GAB3: variants seen among roughly 807,000 people sequenced by gnomAD.
The protein encoded by GAB3 is GRB2 associated binding protein 3, also known as GRB2-associated-binding protein 3.
GAB3 carries 12 observed loss-of-function variants against 40.4 expected under a neutral mutation model. The ratio of observed to expected loss-of-function variants is 0.30; its 90% confidence interval spans 0.19 to 0.48. The LOEUF is 0.48. Ranked by LOEUF, GAB3 falls within the 20% of genes least tolerant of loss-of-function variation. The probability of loss-of-function intolerance (pLI) is 0.99; values close to 1 mark genes in which losing one functional copy is unlikely to be tolerated. For missense variants in GAB3, 381 were observed against 461.9 expected (o/e 0.82, Z 1.61); for synonymous variants, 154 against 176.7 (o/e 0.87, Z 1.02).
rs7066018 is a variant in GAB3 at position 154,712,659 on chromosome X, T to C, written c.639A>G (p.Ser213=). 8.8e-3 allele frequency: 9,932 copies of C among 1,132,209 alleles called. 572 individuals are homozygous for C. The African/African-American group carries it at 0.16, about 19-fold the overall frequency. The allele number at this position is 1,132,209 out of a possible 1,213,427, so 93.3% of individuals were successfully genotyped here. A position where few individuals can be genotyped will look rare whatever the true frequency, so the allele number is the denominator to read the frequency against. The change falls in exon 4 of 10, where the codon TCA becomes TCG. Residue 213 remains serine (S), a synonymous_variant. Coordinates refer to ENST00000424127, the MANE Select transcript of GAB3 (RefSeq NM_001081573.3). Reference sequence around the variant, plus strand: ...CATCATCAAATGAAGCCTGTTCCAATGAACGGTCTGAGTTTGACCAGCTAT... The same window carrying C: ...CATCATCAAATGAAGCCTGTTCCAACGAACGGTCTGAGTTTGACCAGCTAT... ...RCDSWSNSDR[S]LEQASFDDVF... is the part of the protein sequence containing the mutation.
At chrX:154,726,375 G>A (rs1029089508) in intron 1 of GAB3, among the ~76,000 whole-genome samples, 2 of 111,800 alleles carry the variant, frequency 1.8e-5, no homozygotes, top group Non-Finnish European at 3.8e-5. Flanking sequence ...CCTGGGAAGA[G>A]AGGAATAACC....
chrX:154,679,573 T>C (rs2070346214), intron 9 of GAB3, among the ~76,000 whole-genome samples: 1 of 112,065 alleles, frequency 8.9e-6, no homozygotes, highest in Admixed American at 9.4e-5. Context: ...CCTTACGCTG[T>C]ACAGTGGGTG....
intron 1 of GAB3, among the ~76,000 whole-genome samples, chrX:154,731,361 G>T (rs984503216): frequency 8.9e-6 from 1 of 111,911 alleles, no homozygotes; most frequent in African/African-American, 3.3e-5. Context: ...ATCAAGGAAG[G>T]TGCAATATAG....
At chrX:154,698,454 G>C (rs1569557370) in intron 6 of GAB3, among the ~76,000 whole-genome samples, 1 of 112,043 alleles carries the variant, frequency 8.9e-6, no homozygotes, top group East Asian at 2.8e-4. Context: ...GCCTGGAGTA[G>C]ACCAGGCATG....
chrX:154,718,304 G>A, intron 1 of GAB3, among the ~76,000 whole-genome samples: 1 of 108,429 alleles, frequency 9.2e-6, no homozygotes, highest in South Asian at 4.1e-4. Context: ...GCAGCAAGCA[G>A]AAGGAAGGCA....
intron 1 of GAB3, among the ~76,000 whole-genome samples, chrX:154,732,167 C>A (rs1224208859): frequency 2.7e-5 from 3 of 111,801 alleles, no homozygotes; most frequent in Non-Finnish European, 5.6e-5. Context: ...AAAGCATGAG[C>A]TGAATGACTG....
At chrX:154,694,723 C>T (rs1407487993) in intron 8 of GAB3, among the ~76,000 whole-genome samples, 1 of 112,132 alleles carries the variant, frequency 8.9e-6, no homozygotes, top group African/African-American at 3.2e-5. Context: ...CATCAAAGAT[C>T]AGAAATGAAC....
At chrX:154,750,861 G>A in intron 1 of GAB3, 93 bp downstream of exon 1, 1 of 557,083 alleles carries the variant, frequency 1.8e-6, no homozygotes, top group African/African-American at 2.5e-5. Context: ...GGCTGCGCCT[G>A]GCGCGCCCGG....
intron 1 of GAB3, among the ~76,000 whole-genome samples, chrX:154,727,443 C>T: frequency 8.9e-6 from 1 of 112,930 alleles, no homozygotes; most frequent in East Asian, 2.8e-4. Context: ...AGAATGTGAG[C>T]TCCCGGACAG....
intron 8 of GAB3, among the ~76,000 whole-genome samples, chrX:154,689,503 A>T (rs1182048323): frequency 7.3e-5 from 8 of 110,024 alleles, no homozygotes; most frequent in Non-Finnish European, 1.1e-4. Flanking sequence ...ACATGATTGT[A>T]TATCTAGAAA....
intron 8 of GAB3, among the ~76,000 whole-genome samples, chrX:154,691,515 G>A (rs1384091543): frequency 8.9e-6 from 1 of 111,864 alleles, no homozygotes; most frequent in Non-Finnish European, 1.9e-5. Context: ...CTGTAAGAAA[G>A]AAAGTAAAGG....
In GAB3 at chrX:154,677,393, C is replaced by T. The variant is rs2070310918; in HGVS notation, c.*785G>A. On this transcript the variant is annotated 3_prime_UTR_variant, in exon 10 of 10. Coordinates refer to ENST00000424127, the MANE Select transcript of GAB3 (RefSeq NM_001081573.3). ...CTTGCAATTGGCAGCCTGAACAACT[C>T]TATTCTCTAAGCTGGACTCTGGGTC... 8.9e-6 allele frequency: 1 copy of T among 111,852 alleles called. No homozygotes were observed. 9.2% of individuals were successfully genotyped at this position (111,852 alleles called of 1,213,427 possible). A position where few individuals can be genotyped will look rare whatever the true frequency, so the allele number is the denominator to read the frequency against.
intron 7 of GAB3, among the ~76,000 whole-genome samples, chrX:154,696,607 T>C (rs2070662611): frequency 8.9e-6 from 1 of 112,002 alleles, no homozygotes; most frequent in South Asian, 3.8e-4. Context: ...GCAATTACAT[T>C]TTGAAGTCTG....
chrX:154,747,799 G>T (rs1382455174), intron 1 of GAB3, among the ~76,000 whole-genome samples: 1 of 112,328 alleles, frequency 8.9e-6, no homozygotes, highest in Non-Finnish European at 1.9e-5. Context: ...TTAAATCCAT[G>T]ATTCATAAAA....
At chrX:154,742,330 A>G (rs1344254711) in intron 1 of GAB3, among the ~76,000 whole-genome samples, 1 of 111,217 alleles carries the variant, frequency 9.0e-6, no homozygotes, top group Non-Finnish European at 1.9e-5. Flanking sequence ...ATCCCAAGAA[A>G]CCCATCATAA....
intron 1 of GAB3, 93 bp from the exon 2 acceptor site, chrX:154,716,422 G>T: frequency 1.2e-6 from 1 of 823,193 alleles, no homozygotes; most frequent in Non-Finnish European, 1.7e-6. Flanking sequence ...AGGACAGCAG[G>T]AAGGAAACAA....
At chrX:154,679,277 T>C in intron 9 of GAB3, 3 of 341,026 alleles carry the variant, frequency 8.8e-6, no homozygotes, top group Middle Eastern at 8.8e-4. Flanking sequence ...ACACTTCAGA[T>C]GGGGGCTGCT....
intron 6 of GAB3, among the ~76,000 whole-genome samples, chrX:154,698,361 C>G (rs2070693018): frequency 1.8e-5 from 2 of 112,133 alleles, no homozygotes; most frequent in Admixed American, 1.9e-4. Context: ...TTGTATCCCA[C>G]CCAGTGCCCA....
intron 1 of GAB3, among the ~76,000 whole-genome samples, chrX:154,734,632 T>C (rs1028223397): frequency 1.8e-5 from 2 of 112,050 alleles, no homozygotes; most frequent in African/African-American, 3.3e-5. Flanking sequence ...GACTTTGATG[T>C]AGCACACTGC....
Sources: gnomAD v4.1 joint callset for allele counts (sites outside exome capture counted in the v4.1 genomes callset) on GRCh38, gnomAD v4.1.1 for gene constraint, MANE v1.5 for transcripts, NCBI Gene and HGNC (gene_info 2026-07-23, HGNC 2026-07-21) for gene names.